NAV3: variants seen among roughly 807,000 people sequenced by gnomAD.
NAV3 encodes pore membrane and/or filament interacting like protein 1.
In NAV3, 87 loss-of-function variants were observed where a neutral mutation model predicts 244.7. The observed-to-expected ratio is 0.36, with a 90% CI of 0.30 to 0.42. NAV3 has a LOEUF of 0.42. Ranked by LOEUF, NAV3 falls within the 20% of genes least tolerant of loss-of-function variation. The pLI, the probability that NAV3 is intolerant of heterozygous loss-of-function variation, is 1.00. For missense variants in NAV3, 2,663 were observed against 2,893.3 expected, an observed-to-expected ratio of 0.92 and a Z score of 1.83; for synonymous variants, 1,126 against 1,042.2, an observed-to-expected ratio of 1.08 and a Z score of -1.55.
chr12:77,606,070 T>C (rs1870657784), intron 2 of NAV3, among the ~76,000 whole-genome samples: 1 of 152,174 alleles, frequency 6.6e-6, no homozygotes, highest in Non-Finnish European at 1.5e-5. Context: ...GTTTCAGGTC[T>C]CTAGAGATAC....
intron 2 of NAV3, among the ~76,000 whole-genome samples, chr12:77,623,592 A>G (rs940202891): frequency 1.7e-4 from 26 of 152,344 alleles, no homozygotes; most frequent in African/African-American, 6.0e-4. Context: ...AAATATTCAC[A>G]GAAATCTATT....
intron 2 of NAV3, among the ~76,000 whole-genome samples, chr12:77,794,386 TTA>T (rs1871315142): frequency 6.6e-6 from 1 of 152,142 alleles, no homozygotes; most frequent in Admixed American, 6.5e-5. Context: ...CTTATTGCAC[TTA>T]TACTAAGTCA....
chr12:78,094,485 T>C (rs989468088), intron 12 of NAV3, among the ~76,000 whole-genome samples: 1 of 152,124 alleles, frequency 6.6e-6, no homozygotes, highest in Non-Finnish European at 1.5e-5. Flanking sequence ...ATGCAAGAAA[T>C]TACTAAGATG....
At chr12:77,866,465 C>G (rs539222525) in intron 1 of NAV3, among the ~76,000 whole-genome samples, 1 of 152,288 alleles carries the variant, frequency 6.6e-6, no homozygotes, top group East Asian at 1.9e-4. Context: ...TGATTTGAAT[C>G]AGAAGACTCA....
At chr12:77,828,200 G>A (rs148474805), upstream of NAV3, among the ~76,000 whole-genome samples, 12 of 152,204 alleles carry the variant, frequency 7.9e-5, no homozygotes, top group East Asian at 1.9e-4. Context: ...AGTATAATCC[G>A]TTATAAAAGC....
Position 77,991,798 on chromosome 12 carries a change from C to T in NAV3, c.672-3005C>T, listed in dbSNP as rs150072213. Among the ~76,000 whole-genome samples, 655 of 152,152 alleles carry T rather than the reference C, an allele frequency of 4.3e-3. 3 individuals are homozygous for T. Among genetic ancestry groups the T allele is most frequent in the African/African-American group, 0.014 (586 of 41,514 alleles). ...TTGTAATCCCAGCACTTTGGGAGGC[C>T]GAGGTGAGCGGATCAAGAGGTCAGG... On this transcript the variant is annotated intron_variant, in intron 5 of 39. Coordinates refer to ENST00000397909, the MANE Select transcript of NAV3 (RefSeq NM_001024383.2).
At chr12:77,728,764 T>A (rs1362106122) in intron 2 of NAV3, among the ~76,000 whole-genome samples, 1 of 151,750 alleles carries the variant, frequency 6.6e-6, no homozygotes, top group African/African-American at 2.4e-5. Flanking sequence ...ATAGCATGGG[T>A]TTGAACTACA....
intron 1 of NAV3, among the ~76,000 whole-genome samples, chr12:77,905,646 A>G (rs1885888364): frequency 1.3e-5 from 2 of 152,134 alleles, no homozygotes; most frequent in East Asian, 1.9e-4. Context: ...TCTAAATTTA[A>G]TGCATTTCTT....
chr12:78,202,892 C>A (rs1420768853), intron 38 of NAV3, among the ~76,000 whole-genome samples: 5 of 152,084 alleles, frequency 3.3e-5, no homozygotes, highest in Non-Finnish European at 5.9e-5. Flanking sequence ...CATGGATTTA[C>A]TGGCAACAAA....
At chr12:77,816,560 G>A (rs902735569) in intron 2 of NAV3, among the ~76,000 whole-genome samples, 3 of 152,158 alleles carry the variant, frequency 2.0e-5, no homozygotes, top group South Asian at 4.1e-4. Flanking sequence ...GAAAAGTGTT[G>A]TTATCTGCAG....
chr12:77,823,162 C>G (rs775908691), intron 2 of NAV3, among the ~76,000 whole-genome samples: 93 of 152,142 alleles, frequency 6.1e-4, no homozygotes, highest in Admixed American at 1.4e-3. Context: ...AAATAGAGTT[C>G]AGAAGTTTTG....
rs186418412 is a variant in NAV3 at position 77,778,487 on chromosome 12, C to T, written c.73-161832C>T. Among the ~76,000 whole-genome samples, 1,448 of 151,644 alleles carry T rather than the reference C, an allele frequency of 9.5e-3. 24 individuals are homozygous for T. The highest frequency in any genetic ancestry group is 0.034 in the African/African-American group (1,399 of 41,330). ...ATTAGCCAGGCATGGTGGCGGGTGCCTGTATTCCCAGCTACTCGGGAGGCT... is the reference window on the plus strand; with the variant it reads ...ATTAGCCAGGCATGGTGGCGGGTGCTTGTATTCCCAGCTACTCGGGAGGCT... On this transcript the variant is annotated intron_variant, in intron 2 of 8. Coordinates refer to the NAV3 transcript ENST00000550042.
At chr12:77,810,477 A>G (rs1183060974) in intron 2 of NAV3, among the ~76,000 whole-genome samples, 5 of 152,146 alleles carry the variant, frequency 3.3e-5, no homozygotes, top group African/African-American at 1.2e-4. Flanking sequence ...GACCCCCATT[A>G]TATGTTTTTA....
chr12:77,831,514 AG>A lies in NAV3; in HGVS notation c.54del (p.Lys18AsnfsTer41). 6.2e-7 allele frequency: 1 copy of A among 1,613,892 alleles called. No individual in the cohort carries two copies. Among genetic ancestry groups the A allele is most frequent in the Non-Finnish European group, 8.5e-7 (1 of 1,179,936 alleles). On this transcript the variant is annotated frameshift_variant, in exon 1 of 40. Coordinates refer to ENST00000397909, the MANE Select transcript of NAV3 (RefSeq NM_001024383.2). LOFTEE classifies it high-confidence loss of function. ...CTGAGGCAGCCAGCTGTTGGGTCAAAGCCTGTGCATACTGCTCTTCCGATAC... is the reference window on the plus strand; with the variant it reads ...CTGAGGCAGCCAGCTGTTGGGTCAAACCTGTGCATACTGCTCTTCCGATAC... Reference protein sequence around the residue: ...SKLRQPAVGSKPVHTALPIPN... With the variant: ...SKLRQPAVGSXPVHTALPIPN...
At chr12:78,179,099 A>G (rs1018146867) in intron 28 of NAV3, among the ~76,000 whole-genome samples, 3 of 152,026 alleles carry the variant, frequency 2.0e-5, no homozygotes, top group Non-Finnish European at 4.4e-5. Flanking sequence ...TTTTTGCACA[A>G]TTTTACAAAA....
chr12:78,174,508 A>G (rs187729575), intron 24 of NAV3, among the ~76,000 whole-genome samples: 88 of 151,976 alleles, frequency 5.8e-4, no homozygotes, highest in African/African-American at 1.9e-3. Flanking sequence ...AATTAAACTC[A>G]TTTCAGTAGT....
At chr12:78,123,568 T>A (rs932128139) in intron 16 of NAV3, among the ~76,000 whole-genome samples, 4 of 152,164 alleles carry the variant, frequency 2.6e-5, no homozygotes, top group African/African-American at 9.7e-5. Context: ...ACATTGCTTC[T>A]TTCCCTCTTT....
chr12:77,640,110 A>G (rs565845429), intron 2 of NAV3, among the ~76,000 whole-genome samples: 1 of 152,300 alleles, frequency 6.6e-6, no homozygotes, highest in South Asian at 2.1e-4. Context: ...TGTTATACAC[A>G]TGTAGTTTGT....
intron 12 of NAV3, among the ~76,000 whole-genome samples, chr12:78,083,418 T>C (rs1376853464): frequency 6.6e-6 from 1 of 152,226 alleles, no homozygotes; most frequent in Admixed American, 6.5e-5. Flanking sequence ...ACCATCAATA[T>C]AGACCACCTG....
Sources: gnomAD v4.1 joint callset for allele counts (sites outside exome capture counted in the v4.1 genomes callset) on GRCh38, gnomAD v4.1.1 for gene constraint, MANE v1.5 for transcripts, NCBI Gene and HGNC (gene_info 2026-07-23, HGNC 2026-07-21) for gene names.